TWSG1: variants seen among roughly 807,000 people sequenced by gnomAD.
TWSG1 encodes twisted gastrulation protein homolog 1.
In TWSG1, 15 loss-of-function variants were observed where a neutral mutation model predicts 23.0. The ratio of observed to expected loss-of-function variants is 0.65; its 90% CI spans 0.44 to 1.00. The LOEUF (loss-of-function observed/expected upper bound fraction) is 1.00. Among genes scored for constraint, TWSG1 ranks in the 50% least tolerant of loss-of-function variants. TWSG1 has a pLI of 0.00. For synonymous variants in TWSG1, 86 were observed against 92.8 expected (o/e 0.93, Z 0.42); for missense variants, 242 against 278.7 (o/e 0.87, Z 0.94).
chr18:9,389,675 T>G (rs555072945), intron 3 of TWSG1, among the ~76,000 whole-genome samples: 1 of 152,364 alleles, frequency 6.6e-6, no homozygotes, highest in Non-Finnish European at 1.5e-5. Flanking sequence ...ATAGATGGTT[T>G]TTTTCTCCTC....
At chr18:9,388,951 G>T (rs571121317) in intron 3 of TWSG1, among the ~76,000 whole-genome samples, 2 of 151,754 alleles carry the variant, frequency 1.3e-5, no homozygotes, top group South Asian at 4.2e-4. Context: ...ATTTTTTTGT[G>T]TGTTTGTTTT....
At chr18:9,371,994 T>A (rs1172034207) in intron 3 of TWSG1, among the ~76,000 whole-genome samples, 3 of 152,016 alleles carry the variant, frequency 2.0e-5, no homozygotes, top group Non-Finnish European at 4.4e-5. Flanking sequence ...CTCGAACTCC[T>A]GACCTCATGA....
At chr18:9,374,573 G>T (rs2040620315) in intron 3 of TWSG1, among the ~76,000 whole-genome samples, 2 of 152,014 alleles carry the variant, frequency 1.3e-5, no homozygotes, top group Non-Finnish European at 2.9e-5. Context: ...AGACCCAATG[G>T]GTTTACTGGT....
At chr18:9,362,564 T>A (rs1034641080) in intron 3 of TWSG1, among the ~76,000 whole-genome samples, 1 of 152,232 alleles carries the variant, frequency 6.6e-6, no homozygotes, top group Non-Finnish European at 1.5e-5. Flanking sequence ...TGAACTTTTA[T>A]TAATAGCATT....
At chr18:9,357,932 C>A (rs1398265023) in intron 2 of TWSG1, among the ~76,000 whole-genome samples, 1 of 151,944 alleles carries the variant, frequency 6.6e-6, no homozygotes, top group Non-Finnish European at 1.5e-5. Context: ...TCATGGGGAA[C>A]AAGTGAAGAA....
At chr18:9,361,860 A>AC (rs1441164928) in intron 3 of TWSG1, among the ~76,000 whole-genome samples, 1 of 152,052 alleles carries the variant, frequency 6.6e-6, no homozygotes, top group East Asian at 1.9e-4. Flanking sequence ...AGGTATAACT[A>AC]CCCCACAGAA....
intron 2 of TWSG1, among the ~76,000 whole-genome samples, chr18:9,357,723 A>G (rs916068301): frequency 6.6e-6 from 1 of 152,176 alleles, no homozygotes; most frequent in Non-Finnish European, 1.5e-5. Context: ...TGCTACCCCA[A>G]ACAAACAAAT....
chr18:9,364,784 A>G (rs2040569945), intron 3 of TWSG1, among the ~76,000 whole-genome samples: 1 of 151,266 alleles, frequency 6.6e-6, no homozygotes, highest in Admixed American at 6.6e-5. Context: ...ACAGAGGGAG[A>G]CTCTGTCTCA....
At position 9,378,761 on chromosome 18, in the gene TWSG1, A is replaced by G. The variant is rs180691152; in HGVS notation, c.224-17519A>G. Reference sequence around the variant, plus strand: ...CCAAGATGGGTGGATCACTGAGTTTAGGAGTTTGAGACCAGCCTGGGCAAC... The same window carrying G: ...CCAAGATGGGTGGATCACTGAGTTTGGGAGTTTGAGACCAGCCTGGGCAAC... On this transcript the variant is annotated intron_variant, in intron 3 of 4. Coordinates refer to ENST00000262120, the MANE Select transcript of TWSG1 (RefSeq NM_020648.6). 2.2e-3 allele frequency among the ~76,000 whole-genome samples: 331 copies of G among 152,052 alleles called. 2 individuals are homozygous for G. Among genetic ancestry groups the G allele is most frequent in the African/African-American group, 7.7e-3 (318 of 41,480 alleles).
intron 3 of TWSG1, 151 bp downstream of exon 3, chr18:9,360,222 C>T (rs1236349455): frequency 3.6e-6 from 2 of 555,712 alleles, no homozygotes; most frequent in Non-Finnish European, 6.2e-6. Flanking sequence ...TTTTTACATT[C>T]AATTGTATTC....
In TWSG1 at chr18:9,378,283, A is replaced by C. The variant is rs1366566399; in HGVS notation, c.224-17997A>C. ...TGGCCAGAGCAATGAGGCAAGAGAA[A>C]GGAATAAAAGGCATCCAAATAGGAA... On this transcript the variant is annotated intron_variant, in intron 3 of 4. Coordinates refer to ENST00000262120, the MANE Select transcript of TWSG1 (RefSeq NM_020648.6). Among the ~76,000 whole-genome samples, 3 of 152,350 alleles carry C rather than the reference A, an allele frequency of 2.0e-5. No individual in the cohort carries two copies. The East Asian group carries it at 5.8e-4, about 29-fold the overall frequency.
intron 2 of TWSG1, among the ~76,000 whole-genome samples, chr18:9,350,655 C>T (rs1331347808): frequency 6.6e-6 from 1 of 152,182 alleles, no homozygotes; most frequent in Non-Finnish European, 1.5e-5. Context: ...CATATATATA[C>T]ATGAACTTGT....
chr18:9,377,016 C>T (rs1458982996), intron 3 of TWSG1, among the ~76,000 whole-genome samples: 1 of 151,866 alleles, frequency 6.6e-6, no homozygotes, highest in African/African-American at 2.4e-5. Context: ...CAAGTATTCA[C>T]GAGGCTGTGT....
At chr18:9,360,437 T>C (rs920194302) in intron 3 of TWSG1, among the ~76,000 whole-genome samples, 5 of 152,150 alleles carry the variant, frequency 3.3e-5, no homozygotes, top group Admixed American at 2.6e-4. Context: ...GTAAAAAAAG[T>C]CAGGTTCAAA....
intron 3 of TWSG1, among the ~76,000 whole-genome samples, chr18:9,371,033 A>G (rs1000543074): frequency 2.1e-5 from 3 of 142,188 alleles, no homozygotes; most frequent in Admixed American, 7.2e-5. Flanking sequence ...TTCCAGATTA[A>G]ACTTAAAAAA....
chr18:9,387,907 A>G (rs1598834338), intron 3 of TWSG1: 1 of 152,234 alleles, frequency 6.6e-6, no homozygotes, highest in Non-Finnish European at 1.5e-5. Context: ...AAAATTAACA[A>G]TAATTTCTTG....
chr18:9,393,713 A>G (rs1157981184), intron 3 of TWSG1, among the ~76,000 whole-genome samples: 1 of 152,060 alleles, frequency 6.6e-6, no homozygotes, highest in East Asian at 1.9e-4. Context: ...ACGCATCATC[A>G]TGCTCAGCTA....
chr18:9,390,890 C>G (rs371476593), intron 3 of TWSG1, among the ~76,000 whole-genome samples: 7 of 152,210 alleles, frequency 4.6e-5, no homozygotes, highest in African/African-American at 1.7e-4. Context: ...GTGCACACCT[C>G]TAGACCTAGC....
At chr18:9,384,623 G>C (rs1445194639) in intron 3 of TWSG1, among the ~76,000 whole-genome samples, 1 of 150,654 alleles carries the variant, frequency 6.6e-6, no homozygotes, top group Non-Finnish European at 1.5e-5. Context: ...TAAAAGGAAA[G>C]ACAAATGTGC....
Sources: allele counts gnomAD v4.1 joint callset (sites outside exome capture counted in the v4.1 genomes callset), GRCh38; gene constraint gnomAD v4.1.1; transcripts MANE v1.5; gene names NCBI Gene and HGNC (gene_info 2026-07-23, HGNC 2026-07-21).